Variants in EFR3B observed in about 807,000 individuals in gnomAD.
EFR3B encodes the protein protein EFR3 homolog B.
Under a neutral mutation model 104.7 loss-of-function variants are expected in EFR3B, and 64 were observed. The observed-to-expected ratio is 0.61, with a 90% CI of 0.50 to 0.75. The LOEUF (loss-of-function observed/expected upper bound fraction) is 0.75, where lower values mean the gene tolerates loss of function less well. Among genes scored for constraint, EFR3B ranks in the 30% least tolerant of loss-of-function variants. The probability of loss-of-function intolerance (pLI) is 0.00; values close to 1 mark genes in which losing one functional copy is unlikely to be tolerated. For synonymous variants in EFR3B, 385 were observed against 417.9 expected (o/e 0.92, Z 0.96); for missense variants, 750 against 1,078.5 (o/e 0.70, Z 4.27).
At chr2:25,141,102 A>C (rs547656260) in intron 16 of EFR3B, among the ~76,000 whole-genome samples, 1 of 151,064 alleles carries the variant, frequency 6.6e-6, no homozygotes, top group Non-Finnish European at 1.5e-5. Flanking sequence ...GCAGTCTCTT[A>C]AGAGTTAAGT....
chr2:25,046,506 C>CTTTTTTTTTTTT lies in EFR3B; in HGVS notation c.7+4192_7+4203dup, dbSNP rs531667109. On this transcript the variant is annotated intron_variant, in intron 1 of 22. Coordinates refer to ENST00000403714, the MANE Select transcript of EFR3B (RefSeq NM_014971.2). ...GCAGGCTCCCCCTGAAGTACAAAGTCTTTTTTTTTTTTTTTTGAGACGGAG... is the reference window on the plus strand; with the variant it reads ...GCAGGCTCCCCCTGAAGTACAAAGTCTTTTTTTTTTTTTTTTTTTTTTTTTTTTGAGACGGAG... 1.5e-3 allele frequency among the ~76,000 whole-genome samples: 177 copies of CTTTTTTTTTTTT among 119,082 alleles called. 5 individuals are homozygous for CTTTTTTTTTTTT. The highest frequency in any genetic ancestry group is 2.5e-3 in the Non-Finnish European group (134 of 54,202). The allele number at this position is 119,082 out of a possible 152,430, so 78.1% of individuals were successfully genotyped here.
intron 1 of EFR3B, among the ~76,000 whole-genome samples, chr2:25,058,863 G>T (rs1213650173): frequency 6.6e-6 from 1 of 151,046 alleles, no homozygotes; most frequent in Non-Finnish European, 1.5e-5. Flanking sequence ...AAATGGTGCA[G>T]CCACTATGGG....
intron 1 of EFR3B, among the ~76,000 whole-genome samples, chr2:25,062,872 A>C (rs139153517): frequency 4.5e-4 from 69 of 152,234 alleles, no homozygotes; most frequent in East Asian, 2.1e-3. Flanking sequence ...GCACTGTCTC[A>C]GCACAATCAC....
chr2:25,084,029 C>G (rs901943743), intron 1 of EFR3B, among the ~76,000 whole-genome samples: 1 of 152,042 alleles, frequency 6.6e-6, no homozygotes, highest in African/African-American at 2.4e-5. Context: ...AACATGGACT[C>G]TGAAAGTAGA....
rs1270220046 is a variant in EFR3B, at chr2:25,157,805, T to G, written c.*3465T>G. 1 of 152,150 alleles carries G rather than the reference T, an allele frequency of 6.6e-6. No homozygotes were observed. The highest frequency in any genetic ancestry group is 2.4e-5 in the African/African-American group (1 of 41,394). 9.4% of individuals were successfully genotyped at this position (152,150 alleles called of 1,614,324 possible). The stretch of plus-strand genomic sequence containing the variant: ...TGCCTGTTTCCATTTCCCTCTCTCT[T>G]TGAAAAGTAGAAATCAGTGGTTTCT... On this transcript the variant is annotated 3_prime_UTR_variant, in exon 23 of 23. Coordinates refer to ENST00000403714, the MANE Select transcript of EFR3B (RefSeq NM_014971.2).
chr2:25,148,782 C>T (rs1376971163), intron 19 of EFR3B, among the ~76,000 whole-genome samples: 5 of 150,742 alleles, frequency 3.3e-5, no homozygotes, highest in South Asian at 2.1e-4. Context: ...ATTAGCCGGG[C>T]GTAGTGGTGG....
intron 4 of EFR3B, among the ~76,000 whole-genome samples, chr2:25,118,126 C>T (rs1000736001): frequency 2.6e-5 from 4 of 152,208 alleles, no homozygotes; most frequent in African/African-American, 4.8e-5. Flanking sequence ...ATTACAGGCG[C>T]GTACCGCCAT....
At chr2:25,063,837 C>T (rs1021982300) in intron 1 of EFR3B, among the ~76,000 whole-genome samples, 5 of 152,210 alleles carry the variant, frequency 3.3e-5, no homozygotes, top group African/African-American at 1.2e-4. Flanking sequence ...CTCCACTCCT[C>T]ATTTAGAGCT....
At chr2:25,151,316 C>T (rs1188202833) in intron 20 of EFR3B, among the ~76,000 whole-genome samples, 3 of 151,982 alleles carry the variant, frequency 2.0e-5, no homozygotes, top group East Asian at 3.9e-4. Flanking sequence ...AGTGCAATGG[C>T]GTGATCTTGG....
At position 25,136,474 on chromosome 2, in the gene EFR3B, AG is replaced by A; in HGVS notation, c.1485-47del. 4.8e-6 allele frequency: 7 copies of A among 1,469,846 alleles called. No individual in the cohort carries two copies. The highest frequency in any genetic ancestry group is 6.5e-6 in the Non-Finnish European group (7 of 1,074,324). The allele number at this position is 1,469,846 out of a possible 1,614,324, so 91.1% of individuals were successfully genotyped here. A position where few individuals can be genotyped will look rare whatever the true frequency, so the allele number is the denominator to read the frequency against. ...AAGCTCAGTGACCCCGTGTGAGCTC[AG>A]GCTGGCCTCATGCAAGGGCTAAGGA... On this transcript the variant is annotated intron_variant, in intron 13 of 22. Coordinates refer to ENST00000403714, the MANE Select transcript of EFR3B (RefSeq NM_014971.2). This position sits in a 1 kb window ranked among gnomAD's most constrained non-coding sequence, Gnocchi z 4.0.
chr2:25,092,548 C>A (rs1010072960), intron 2 of EFR3B, among the ~76,000 whole-genome samples: 4 of 152,002 alleles, frequency 2.6e-5, no homozygotes, highest in Non-Finnish European at 4.4e-5. Context: ...GTATCACTTA[C>A]AATTCTTTTT....
chr2:25,126,335 C>T (rs1001252415), intron 5 of EFR3B, among the ~76,000 whole-genome samples: 5 of 152,050 alleles, frequency 3.3e-5, no homozygotes, highest in Non-Finnish European at 5.9e-5. Flanking sequence ...ACTACAGGTG[C>T]GCACCACCAT....
intron 1 of EFR3B, among the ~76,000 whole-genome samples, chr2:25,069,926 T>A (rs1252545273): frequency 6.6e-6 from 1 of 152,216 alleles, no homozygotes; most frequent in East Asian, 1.9e-4. Flanking sequence ...CTCAATCTCC[T>A]GACCTCGTGA....
intron 1 of EFR3B, among the ~76,000 whole-genome samples, chr2:25,059,461 G>T (rs1284185125): frequency 6.6e-6 from 1 of 150,910 alleles, no homozygotes; most frequent in Non-Finnish European, 1.5e-5. Flanking sequence ...TATGGTAATG[G>T]AAATAAGCCA....
chr2:25,090,684 T>A (rs915203377), intron 1 of EFR3B, among the ~76,000 whole-genome samples: 1 of 152,202 alleles, frequency 6.6e-6, no homozygotes, highest in Non-Finnish European at 1.5e-5. Context: ...GCGTTAAAGA[T>A]GCATCGTCAA....
intron 1 of EFR3B, among the ~76,000 whole-genome samples, chr2:25,046,274 A>T (rs988755736): frequency 6.6e-6 from 1 of 151,854 alleles, no homozygotes; most frequent in African/African-American, 2.4e-5. Flanking sequence ...AATCCCAGCT[A>T]ATGGGGAGGC....
At chr2:25,139,687 T>C (rs1469130616) in intron 16 of EFR3B, among the ~76,000 whole-genome samples, 1 of 152,250 alleles carries the variant, frequency 6.6e-6, no homozygotes, top group African/African-American at 2.4e-5. Context: ...TGAACAGTTA[T>C]GAAAATTTCT....
chr2:25,062,537 G>T (rs1668223537), intron 1 of EFR3B, among the ~76,000 whole-genome samples: 2 of 152,244 alleles, frequency 1.3e-5, no homozygotes, highest in African/African-American at 4.8e-5. Flanking sequence ...TATACTAGGA[G>T]ACGGACGGTC....
At chr2:25,104,600 C>T (rs1413576190) in intron 4 of EFR3B, among the ~76,000 whole-genome samples, 1 of 152,170 alleles carries the variant, frequency 6.6e-6, no homozygotes, top group African/African-American at 2.4e-5. Flanking sequence ...CCACTCAGCA[C>T]GCTATGGGGG....
Sources: gnomAD v4.1 joint callset for allele counts (sites outside exome capture counted in the v4.1 genomes callset) on GRCh38, gnomAD v4.1.1 for gene constraint, Gnocchi (gnomAD v3.1) non-coding constraint, MANE v1.5 for transcripts, NCBI Gene and HGNC (gene_info 2026-07-23, HGNC 2026-07-21) for gene names.